FNDC3B: variants seen among roughly 807,000 people sequenced by gnomAD.
FNDC3B encodes fibronectin type III domain-containing protein 3B.
FNDC3B carries 12 observed loss-of-function variants against 151.5 expected under a neutral mutation model. That is an observed-to-expected ratio of 0.08 (90% CI 0.05 to 0.13). FNDC3B has a LOEUF of 0.13. Ranked by LOEUF, FNDC3B falls within the 10% of genes least tolerant of loss-of-function variation. FNDC3B has a pLI of 1.00. For synonymous variants in FNDC3B, 528 were observed against 549.0 expected (o/e 0.96, Z 0.54); for missense variants, 1,214 against 1,505.3 (o/e 0.81, Z 3.20).
intron 17 of FNDC3B, 133 bp downstream of exon 17, chr3:172,341,364 G>A: frequency 5.6e-6 from 4 of 719,466 alleles, no homozygotes; most frequent in Admixed American, 3.9e-5. Flanking sequence ...GTCAGGAAAT[G>A]AAAAATAGAG....
chr3:172,134,962 C>G (rs1721289161), intron 3 of FNDC3B, among the ~76,000 whole-genome samples: 1 of 151,110 alleles, frequency 6.6e-6, no homozygotes, highest in South Asian at 2.1e-4. Context: ...ACAATTAAAA[C>G]CTCAGAATCC....
chr3:172,051,257 ATT>A (rs113492710), intron 1 of FNDC3B, among the ~76,000 whole-genome samples: 1 of 143,428 alleles, frequency 7.0e-6, no homozygotes. Context: ...CTAATTTTGT[ATT>A]TTTTTTTTTT....
At chr3:172,257,174 G>T (rs1019849135) in intron 6 of FNDC3B, among the ~76,000 whole-genome samples, 6 of 152,116 alleles carry the variant, frequency 3.9e-5, no homozygotes, top group Non-Finnish European at 2.9e-5. Flanking sequence ...GCCTTCCAAA[G>T]TGCTGGGATT....
intron 1 of FNDC3B, among the ~76,000 whole-genome samples, chr3:172,052,408 A>G (rs1474334204): frequency 6.6e-6 from 1 of 152,176 alleles, no homozygotes; most frequent in African/African-American, 2.4e-5. Flanking sequence ...AATTCTAGAA[A>G]GGACATTTTA....
chr3:172,071,690 G>C (rs1393398938), intron 1 of FNDC3B, among the ~76,000 whole-genome samples: 1 of 152,158 alleles, frequency 6.6e-6, no homozygotes, highest in Admixed American at 6.5e-5. Context: ...CAGCATGGAG[G>C]CTGGTTGTCA....
At position 172,040,455 on chromosome 3, in the gene FNDC3B, A is replaced by G. The variant is rs1279334847; in HGVS notation, c.-29+684A>G. The G allele has an allele frequency of 6.6e-6, 1 of 151,754 alleles. No homozygotes were observed. Among genetic ancestry groups the G allele is most frequent in the Non-Finnish European group, 1.5e-5 (1 of 68,016 alleles). 9.4% of individuals were successfully genotyped at this position (151,754 alleles called of 1,614,324 possible). A position where few individuals can be genotyped will look rare whatever the true frequency, so the allele number is the denominator to read the frequency against. ...CCCGCCCCGCTGCTGGCCACCTCCG[A>G]GCACGCCACGTCCTCCTCCCCGTCC... On this transcript the variant is annotated intron_variant, in intron 1 of 25. Coordinates refer to ENST00000415807, the MANE Select transcript of FNDC3B (RefSeq NM_022763.4). This position sits in a 1 kb window ranked among gnomAD's most constrained non-coding sequence, Gnocchi z 6.6.
chr3:172,214,800 A>G (rs937127422), intron 3 of FNDC3B, among the ~76,000 whole-genome samples: 1 of 152,242 alleles, frequency 6.6e-6, no homozygotes, highest in African/African-American at 2.4e-5. Flanking sequence ...GATGTTGTCA[A>G]TAAAATGCCC....
At chr3:172,079,645 A>G (rs1718185609) in intron 1 of FNDC3B, among the ~76,000 whole-genome samples, 1 of 152,204 alleles carries the variant, frequency 6.6e-6, no homozygotes, top group African/African-American at 2.4e-5. Context: ...AGTATCCTTT[A>G]AGATGACAAA....
chr3:172,357,900 T>A (rs1348479670), intron 22 of FNDC3B, among the ~76,000 whole-genome samples: 1 of 152,212 alleles, frequency 6.6e-6, no homozygotes, highest in African/African-American at 2.4e-5. Flanking sequence ...TCTAGGTAGT[T>A]GATTTCAGGG....
intron 12 of FNDC3B, chr3:172,329,916 C>T (rs1226863214): frequency 2.6e-5 from 4 of 152,184 alleles, no homozygotes; most frequent in African/African-American, 9.7e-5. Context: ...TGAAAAACAG[C>T]ACTGTATATA....
In FNDC3B at chr3:172,306,341, A is replaced by G. The variant is rs115492987; in HGVS notation, c.1062-1022A>G. The stretch of plus-strand genomic sequence containing the variant: ...TAAATACCATTGATCCAAATTTCTA[A>G]CTGTGTGGCCTTGGGAAATGTACTT... On this transcript the variant is annotated intron_variant, in intron 9 of 25. Transcript: ENST00000415807. Among the ~76,000 whole-genome samples the G allele has an allele frequency of 2.9e-3, 437 of 152,280 alleles. 5 individuals carry two copies. Among genetic ancestry groups the G allele is most frequent in the Middle Eastern group, 0.01 (3 of 294 alleles).
intron 3 of FNDC3B, among the ~76,000 whole-genome samples, chr3:172,160,052 C>T (rs964492618): frequency 6.6e-5 from 10 of 152,212 alleles, no homozygotes; most frequent in Non-Finnish European, 1.3e-4. Flanking sequence ...CAGAATCAGC[C>T]TCACCAGTGG....
At chr3:172,061,151 C>T (rs899431266) in intron 1 of FNDC3B, among the ~76,000 whole-genome samples, 8 of 152,024 alleles carry the variant, frequency 5.3e-5, no homozygotes, top group Non-Finnish European at 1.0e-4. Flanking sequence ...CAGAGCCCAT[C>T]CTATATGAAT....
chr3:172,229,244 C>T (rs1726763986), intron 4 of FNDC3B, among the ~76,000 whole-genome samples: 1 of 152,126 alleles, frequency 6.6e-6, no homozygotes, highest in Non-Finnish European at 1.5e-5. Flanking sequence ...CTAAAGTAGA[C>T]ATTACTTTCT....
chr3:172,372,668 ACCCCAG>A (rs1405183595), intron 23 of FNDC3B, among the ~76,000 whole-genome samples: 1 of 151,992 alleles, frequency 6.6e-6, no homozygotes, highest in Non-Finnish European at 1.5e-5. Context: ...GCTGTGAATG[ACCCCAG>A]TAGCCTGGGG....
chr3:172,222,591 C>T lies in FNDC3B; in HGVS notation c.188-4280C>T, dbSNP rs149399898. Among the ~76,000 whole-genome samples, 188 of 152,288 alleles carry T rather than the reference C, an allele frequency of 1.2e-3. 1 individual carries two copies. Among genetic ancestry groups the T allele is most frequent in the African/African-American group, 4.5e-3 (185 of 41,550 alleles). The stretch of plus-strand genomic sequence containing the variant: ...GCTGTTTCAGAATGAAACTGTTCCA[C>T]CTCAGATCATCAGGCATTAGTTAGA... On this transcript the variant is annotated intron_variant, in intron 3 of 25. Transcript: ENST00000415807.
chr3:172,144,852 A>G (rs2108591583), intron 3 of FNDC3B, among the ~76,000 whole-genome samples: 1 of 152,140 alleles, frequency 6.6e-6, no homozygotes, highest in East Asian at 1.9e-4. Flanking sequence ...ATGCTTTACT[A>G]CTTCTTTTTT....
chr3:172,301,097 T>A (rs1730891117), intron 9 of FNDC3B, among the ~76,000 whole-genome samples: 1 of 152,210 alleles, frequency 6.6e-6, no homozygotes, highest in Non-Finnish European at 1.5e-5. Flanking sequence ...CCATTGAAAC[T>A]TCTTTGGTCT....
chr3:172,293,395 A>G (rs964092363), intron 7 of FNDC3B, among the ~76,000 whole-genome samples: 1 of 152,148 alleles, frequency 6.6e-6, no homozygotes. Flanking sequence ...TTTTAAAGAG[A>G]TGTGTAATGC....
Sources: allele counts gnomAD v4.1 joint callset (sites outside exome capture counted in the v4.1 genomes callset), GRCh38; gene constraint gnomAD v4.1.1; non-coding constraint Gnocchi (gnomAD v3.1); transcripts MANE v1.5; gene names NCBI Gene and HGNC (gene_info 2026-07-23, HGNC 2026-07-21).